GNE: variants seen among roughly 807,000 people sequenced by gnomAD.
GNE encodes the protein bifunctional UDP-N-acetylglucosamine 2-epimerase/N-acetylmannosamine kinase.
Under a neutral mutation model 61.8 loss-of-function variants are expected in GNE, and 41 were observed. That is an observed-to-expected ratio of 0.66 (90% CI 0.52 to 0.86). The LOEUF (loss-of-function observed/expected upper bound fraction) is 0.86. GNE is among the 40% of genes least tolerant of loss of function. The pLI, the probability that GNE is intolerant of heterozygous loss-of-function variation, is 0.00. For missense variants in GNE, 608 were observed against 909.1 expected (o/e 0.67, Z 4.26); for synonymous variants, 264 against 326.4 (o/e 0.81, Z 2.06).
chr9:36,222,877 A>T lies in GNE; in HGVS notation c.1533T>A (p.Pro511=), dbSNP rs1353403962. The T allele has an allele frequency of 6.2e-7, 1 of 1,614,024 alleles. No individual in the cohort carries two copies. Among genetic ancestry groups the T allele is most frequent in the Non-Finnish European group, 8.5e-7 (1 of 1,179,998 alleles). The change falls in exon 9 of 12, where the codon CCT becomes CCA. Residue 511 remains proline (P), a synonymous_variant. Coordinates refer to ENST00000642385, the MANE Select transcript of GNE (RefSeq NM_005476.7). Reference sequence around the variant, plus strand: ...AGTTGCCATCATTGTCTACCCACACAGGGAGATGCAAAGTGTCAGAAAGGG... The same window carrying T: ...AGTTGCCATCATTGTCTACCCACACTGGGAGATGCAAAGTGTCAGAAAGGG... ...RTPLSDTLHL[P]VWVDNDGNCA...
intron 5 of GNE, among the ~76,000 whole-genome samples, chr9:36,230,091 C>T (rs895041801): frequency 2.6e-5 from 4 of 152,084 alleles, no homozygotes; most frequent in African/African-American, 7.2e-5. Flanking sequence ...GGATTGCAGG[C>T]GTGTACCACC....
chr9:36,235,815 A>G (rs1421482434), intron 4 of GNE, among the ~76,000 whole-genome samples: 3 of 152,220 alleles, frequency 2.0e-5, no homozygotes, highest in African/African-American at 7.2e-5. Context: ...GACATTGCAG[A>G]GAATGGGTTC....
intron 3 of GNE, among the ~76,000 whole-genome samples, chr9:36,237,525 G>A (rs144471780): frequency 0.012 from 1,850 of 152,174 alleles, 20 homozygotes; most frequent in Middle Eastern, 0.031. Flanking sequence ...CCCAAGGACG[G>A]TTCCTCAGCA....
In GNE at chr9:36,265,031, G is replaced by A. The variant is rs573059489; in HGVS notation, c.51+11863C>T. The A allele has an allele frequency of 2.9e-5, 8 of 277,966 alleles. No homozygotes were observed. The East Asian group carries it at 5.2e-4, about 18-fold the overall frequency. The allele number at this position is 277,966 out of a possible 1,614,324, so 17.2% of individuals were successfully genotyped here. A position where few individuals can be genotyped will look rare whatever the true frequency, so the allele number is the denominator to read the frequency against. On this transcript the variant is annotated intron_variant, in intron 1 of 11. Coordinates refer to the GNE transcript ENST00000396594. Reference sequence around the variant, plus strand: ...TCGTTGTCCACCACTGCTGTTTGCCGCAGTCGCAGACCCGCCGCTGACTTC... The same window carrying A: ...TCGTTGTCCACCACTGCTGTTTGCCACAGTCGCAGACCCGCCGCTGACTTC...
At chr9:36,260,894 A>C (rs12553065), upstream of GNE, among the ~76,000 whole-genome samples, 6 of 132,260 alleles carry the variant, frequency 4.5e-5, no homozygotes, top group Admixed American at 3.0e-4. Flanking sequence ...AAAAAAAAAA[A>C]AAAAAACCCA....
intron 6 of GNE, among the ~76,000 whole-genome samples, chr9:36,227,710 T>A (rs533383029): frequency 6.6e-6 from 1 of 152,116 alleles, no homozygotes; most frequent in Admixed American, 6.6e-5. Context: ...CAACTCTATC[T>A]CTACAAAAAG....
intron 11 of GNE, 58 bp from the exon 12 acceptor site, chr9:36,217,658 A>C: frequency 9.4e-7 from 1 of 1,064,944 alleles, no homozygotes; most frequent in Non-Finnish European, 1.4e-6. Flanking sequence ...CAAAATACCA[A>C]AGAGGAAGGC....
chr9:36,275,299 C>T (rs1357514085), intron 1 of GNE, among the ~76,000 whole-genome samples: 2 of 152,108 alleles, frequency 1.3e-5, no homozygotes, highest in Non-Finnish European at 2.9e-5. Flanking sequence ...TTCAGTGTGC[C>T]ACAAAACCCT....
In GNE at chr9:36,249,194, A is replaced by G. The variant is rs756575824; in HGVS notation, c.162T>C (p.Tyr54=). The G allele has an allele frequency of 1.2e-6, 2 of 1,610,734 alleles. No individual in the cohort carries two copies. The highest frequency in any genetic ancestry group is 1.7e-6 in the Non-Finnish European group (2 of 1,176,890). Reference sequence around the variant, plus strand: ...ATAAGAAAATGCTTTCATCTTACCCATAGTCATCTATCAGGTGAGAGCCAA... The same window carrying G: ...ATAAGAAAATGCTTTCATCTTACCCGTAGTCATCTATCAGGTGAGAGCCAA... ...VVLGSHLIDD[Y]GNTYRMIEQD... The change falls in exon 2 of 12, where the codon TAT becomes TAC. Residue 54 remains tyrosine, a splice_region_variant and synonymous_variant. Coordinates refer to ENST00000642385, the MANE Select transcript of GNE (RefSeq NM_005476.7).
At position 36,219,978 on chromosome 9, in the gene GNE, C is replaced by G; in HGVS notation, c.1676G>C (p.Gly559Ala). 1 of 1,614,132 alleles carries G rather than the reference C, an allele frequency of 6.2e-7. No homozygotes were observed. Among genetic ancestry groups the G allele is most frequent in the Non-Finnish European group, 8.5e-7 (1 of 1,180,008 alleles). The change falls in exon 10 of 12, where the codon GGA becomes GCA. Residue 559 changes from glycine (G) to alanine (A), a missense_variant. Physicochemically the swap from Gly to Ala is moderately conservative, Grantham distance 60. Transcript: ENST00000642385. ...GIIHQHELIH[G>A]SSFCAAELGH... ...CAGTTCTGCAGCACAGAAGGAGCTT[C>G]CGTGGATCAATTCATGCTGATGGAT...
chr9:36,266,835 G>A (rs1830813993), intron 1 of GNE, among the ~76,000 whole-genome samples: 1 of 152,196 alleles, frequency 6.6e-6, no homozygotes, highest in Non-Finnish European at 1.5e-5. Context: ...GGTGAACCCG[G>A]GAGGCGGAGC....
intron 3 of GNE, among the ~76,000 whole-genome samples, chr9:36,239,626 C>T (rs2133088380): frequency 6.6e-6 from 1 of 152,164 alleles, no homozygotes; most frequent in South Asian, 2.1e-4. Context: ...GTGCACATCA[C>T]CATGCCCAGC....
intron 1 of GNE, among the ~76,000 whole-genome samples, chr9:36,270,468 C>T (rs10972818): frequency 0.17 from 26,016 of 151,392 alleles, 2,446 homozygotes; most frequent in Non-Finnish European, 0.21. Flanking sequence ...AGTGCATGCA[C>T]GCCTGTAATC....
intron 4 of GNE, 112 bp downstream of exon 4, chr9:36,236,720 A>G: frequency 2.2e-6 from 2 of 926,728 alleles, no homozygotes; most frequent in Non-Finnish European, 3.5e-6. Context: ...ATTTCAGAAT[A>G]GAGTGCCCTT....
In GNE at chr9:36,218,282, C is replaced by T; in HGVS notation, c.1834G>A (p.Glu612Lys). Residue 612 changes from glutamate to lysine, a missense_variant, in exon 11 of 12, where the codon GAA (glutamate) becomes AAA (lysine). Transcript: ENST00000642385. This position sits in a 1 kb window ranked among gnomAD's most constrained non-coding sequence, Gnocchi z 4.1. ...KLHDEDLLLV[E>K]GMSVPKDEAV... ...TCATCTTTTGGCACTGACATCCCTT[C>T]CACCAAGAGCAGGTCCTCTGAACAG... 6.2e-7 allele frequency: 1 copy of T among 1,613,724 alleles called. No homozygotes were observed. The highest frequency in any genetic ancestry group is 8.5e-7 in the Non-Finnish European group (1 of 1,179,608).
intron 5 of GNE, among the ~76,000 whole-genome samples, chr9:36,230,028 C>T (rs558805430): frequency 6.6e-6 from 1 of 151,966 alleles, no homozygotes; most frequent in East Asian, 1.9e-4. Flanking sequence ...CTCACTGCAA[C>T]CTCTACCTCC....
At chr9:36,220,235 C>T (rs747786415) in intron 9 of GNE, among the ~76,000 whole-genome samples, 1 of 152,220 alleles carries the variant, frequency 6.6e-6, no homozygotes, top group Non-Finnish European at 1.5e-5. Flanking sequence ...GACCCATCTG[C>T]TTGGGTCACT....
intron 3 of GNE, among the ~76,000 whole-genome samples, chr9:36,237,903 C>A (rs1829462753): frequency 1.3e-5 from 2 of 151,996 alleles, no homozygotes; most frequent in South Asian, 4.1e-4. Flanking sequence ...TCAGTGAGAG[C>A]ATACAATGTT....
chr9:36,266,945 A>G (rs1830823634), intron 1 of GNE, among the ~76,000 whole-genome samples: 1 of 152,108 alleles, frequency 6.6e-6, no homozygotes, highest in Admixed American at 6.6e-5. Context: ...CCCCGCCTGT[A>G]ATCTCAGCTA....
Sources: gnomAD v4.1 joint callset for allele counts (sites outside exome capture counted in the v4.1 genomes callset) on GRCh38, gnomAD v4.1.1 for gene constraint, Gnocchi (gnomAD v3.1) non-coding constraint, MANE v1.5 for transcripts, NCBI Gene and HGNC (gene_info 2026-07-23, HGNC 2026-07-21) for gene names.